The following CPEB3 variants were observed in gnomAD, a reference collection of about 807,000 sequenced individuals.
The protein encoded by CPEB3 is cytoplasmic polyadenylation element binding protein 3, also known as cytoplasmic polyadenylation element-binding protein 3.
CPEB3 carries 20 observed loss-of-function variants against 67.2 expected under a neutral mutation model. The observed-to-expected ratio is 0.30, with a 90% CI of 0.21 to 0.43. The LOEUF is 0.43. Ranked by LOEUF, CPEB3 falls within the 20% of genes least tolerant of loss-of-function variation. The pLI is 1.00. For missense variants in CPEB3, 746 were observed against 968.6 expected (o/e 0.77, Z 3.05); for synonymous variants, 376 against 393.1 (o/e 0.96, Z 0.51).
intron 7 of CPEB3, among the ~76,000 whole-genome samples, chr10:92,109,288 T>C (rs1264695204): frequency 2.6e-5 from 4 of 151,756 alleles, no homozygotes; most frequent in African/African-American, 4.8e-5. Context: ...AGTCTCACTC[T>C]GTCGCCCAGG....
intron 3 of CPEB3, among the ~76,000 whole-genome samples, chr10:92,185,314 A>G (rs548255294): frequency 6.6e-6 from 1 of 152,220 alleles, no homozygotes; most frequent in South Asian, 2.1e-4. Flanking sequence ...TGCTGTGGAA[A>G]TCTGAGACTG....
chr10:92,161,910 C>T (rs893486439), intron 4 of CPEB3, among the ~76,000 whole-genome samples: 43 of 151,868 alleles, frequency 2.8e-4, no homozygotes, highest in Admixed American at 2.7e-3. Context: ...ATCCACCTGC[C>T]GTGGCCTCCC....
chr10:92,278,675 A>T (rs1842113090), intron 1 of CPEB3, among the ~76,000 whole-genome samples: 1 of 143,232 alleles, frequency 7.0e-6, no homozygotes, highest in Non-Finnish European at 1.5e-5. Flanking sequence ...ATCTTGGCTC[A>T]CTGTAACCTC....
At chr10:92,127,035 T>TA (rs1191328928) in intron 6 of CPEB3, among the ~76,000 whole-genome samples, 2 of 151,908 alleles carry the variant, frequency 1.3e-5, no homozygotes, top group Middle Eastern at 3.2e-3. Context: ...GAACAAAATA[T>TA]AAAAAAATTC....
At chr10:92,214,301 G>A (rs1850236612) in intron 2 of CPEB3, among the ~76,000 whole-genome samples, 1 of 152,094 alleles carries the variant, frequency 6.6e-6, no homozygotes, top group African/African-American at 2.4e-5. Flanking sequence ...GCTCTTTGGA[G>A]AATGCACCAA....
At chr10:92,198,055 G>A (rs568592748) in intron 2 of CPEB3, among the ~76,000 whole-genome samples, 3 of 152,314 alleles carry the variant, frequency 2.0e-5, no homozygotes, top group South Asian at 2.1e-4. Flanking sequence ...GCAGTGAGCC[G>A]AGATCACGCC....
chr10:92,080,662 C>T (rs948297053), intron 9 of CPEB3, among the ~76,000 whole-genome samples: 14 of 151,908 alleles, frequency 9.2e-5, no homozygotes, highest in East Asian at 1.9e-4. Flanking sequence ...AGCACGATCT[C>T]GGCTCACTCC....
chr10:92,157,132 A>G (rs1847245722), intron 4 of CPEB3, among the ~76,000 whole-genome samples: 2 of 152,222 alleles, frequency 1.3e-5, no homozygotes, highest in Non-Finnish European at 2.9e-5. Flanking sequence ...CAGCTTCTGC[A>G]AATGAGCACC....
intron 2 of CPEB3, among the ~76,000 whole-genome samples, chr10:92,205,554 G>T (rs985369202): frequency 4.5e-5 from 6 of 132,842 alleles, no homozygotes; most frequent in Non-Finnish European, 6.1e-5. Flanking sequence ...TTAGCTTACT[G>T]CAACCTCTGC....
intron 6 of CPEB3, among the ~76,000 whole-genome samples, chr10:92,140,090 C>T (rs914642184): frequency 6.9e-6 from 1 of 144,930 alleles, no homozygotes; most frequent in Non-Finnish European, 1.5e-5. Context: ...AAAAAAAAAT[C>T]AAGCTACCAA....
At chr10:92,238,869 A>C (rs920570476) in intron 2 of CPEB3, among the ~76,000 whole-genome samples, 2 of 152,212 alleles carry the variant, frequency 1.3e-5, no homozygotes, top group African/African-American at 4.8e-5. Flanking sequence ...AGCACCACTC[A>C]AGGGTTGTTA....
intron 2 of CPEB3, among the ~76,000 whole-genome samples, chr10:92,219,340 T>A (rs1850587845): frequency 6.6e-6 from 1 of 152,220 alleles, no homozygotes; most frequent in Admixed American, 6.5e-5. Flanking sequence ...GCTGAAATCT[T>A]CACTGTCTTT....
intron 8 of CPEB3, among the ~76,000 whole-genome samples, chr10:92,086,899 C>T (rs142495889): frequency 6.6e-6 from 1 of 152,212 alleles, no homozygotes; most frequent in East Asian, 1.9e-4. Context: ...TTAGGAAAAC[C>T]CTTATCCCTA....
chr10:92,119,678 T>A (rs1232910134), intron 6 of CPEB3, among the ~76,000 whole-genome samples: 1 of 152,108 alleles, frequency 6.6e-6, no homozygotes, highest in African/African-American at 2.4e-5. Flanking sequence ...AATTAGTCTA[T>A]CCCAGCTAGA....
intron 4 of CPEB3, among the ~76,000 whole-genome samples, chr10:92,174,792 G>A (rs533423395): frequency 5.3e-5 from 8 of 152,050 alleles, no homozygotes; most frequent in East Asian, 1.9e-4. Context: ...CAAAGATCTC[G>A]GAAAAGGAAT....
chr10:92,159,930 T>A (rs1847387291), intron 4 of CPEB3, among the ~76,000 whole-genome samples: 1 of 150,434 alleles, frequency 6.6e-6, no homozygotes, highest in Admixed American at 6.7e-5. Context: ...ACTACAAACC[T>A]CAATGAAAAA....
At chr10:92,133,218 A>G (rs755291053) in intron 6 of CPEB3, among the ~76,000 whole-genome samples, 3 of 152,214 alleles carry the variant, frequency 2.0e-5, no homozygotes, top group Non-Finnish European at 2.9e-5. Flanking sequence ...AAAAAAATCA[A>G]TGAATCCAGG....
rs1214968946 is a variant in CPEB3, at chr10:92,239,178, T to C, written c.1005+168A>G. ...TAATCACAATGTTCTCCCAACCTCA[T>C]CCTCTGATAATGGAACAGCCCTAAA... On this transcript the variant is annotated intron_variant, in intron 2 of 9. Coordinates refer to ENST00000265997, the MANE Select transcript of CPEB3 (RefSeq NM_014912.5). The surrounding 1 kb of genome is among the most constrained non-coding windows in gnomAD (Gnocchi z 6.0). Among the ~76,000 whole-genome samples, 1 of 152,104 alleles carries C rather than the reference T, an allele frequency of 6.6e-6. No individual in the cohort carries two copies. Among genetic ancestry groups the C allele is most frequent in the Non-Finnish European group, 1.5e-5 (1 of 68,014 alleles).
intron 6 of CPEB3, among the ~76,000 whole-genome samples, chr10:92,135,593 G>C (rs1337702059): frequency 1.3e-5 from 2 of 152,174 alleles, no homozygotes; most frequent in Non-Finnish European, 2.9e-5. Flanking sequence ...CATTGTGGAA[G>C]ACAGTGTGGC....
Sources: gnomAD v4.1 joint callset for allele counts (sites outside exome capture counted in the v4.1 genomes callset) on GRCh38, gnomAD v4.1.1 for gene constraint, Gnocchi (gnomAD v3.1) non-coding constraint, MANE v1.5 for transcripts, NCBI Gene and HGNC (gene_info 2026-07-23, HGNC 2026-07-21) for gene names.